Variants in NCK1 observed in about 807,000 individuals in gnomAD.
NCK1 encodes NCK adaptor protein 1, also known as SH2/SH3 adapter protein NCK1.
NCK1 carries 19 observed loss-of-function variants against 36.6 expected under a neutral mutation model. The ratio of observed to expected loss-of-function variants is 0.52; its 90% CI spans 0.36 to 0.76. The LOEUF (loss-of-function observed/expected upper bound fraction) is 0.76, where lower values mean the gene tolerates loss of function less well. NCK1 is among the 30% of genes least tolerant of loss of function. The pLI, the probability that NCK1 is intolerant of heterozygous loss-of-function variation, is 0.00. For missense variants in NCK1, 358 were observed against 445.6 expected (o/e 0.80, Z 1.77); for synonymous variants, 165 against 156.0 (o/e 1.06, Z -0.43).
chr3:136,948,022 CTGT>C (rs1242718143), intron 3 of NCK1, among the ~76,000 whole-genome samples: 1 of 152,004 alleles, frequency 6.6e-6, no homozygotes, highest in African/African-American at 2.4e-5. Flanking sequence ...AATCCTGGCT[CTGT>C]TGTTAACTAG....
At chr3:136,884,789 C>T (rs1372063463) in intron 1 of NCK1, among the ~76,000 whole-genome samples, 1 of 150,376 alleles carries the variant, frequency 6.6e-6, no homozygotes, top group Non-Finnish European at 1.5e-5. Flanking sequence ...GGCCTGATCT[C>T]AGCTCACTGC....
At chr3:136,922,925 CATCAGTAAGGTCT>C (rs1940147535) in intron 1 of NCK1, among the ~76,000 whole-genome samples, 1 of 152,102 alleles carries the variant, frequency 6.6e-6, no homozygotes, top group African/African-American at 2.4e-5. Context: ...ACCCATTGAC[CATCAGTAAGGTCT>C]AGTTGAAGAA....
Position 136,945,691 on chromosome 3 carries a change from A to T in NCK1, c.335A>T (p.Tyr112Phe), listed in dbSNP as rs368340310. 234 of 1,614,014 alleles carry T rather than the reference A, an allele frequency of 1.4e-4. No homozygotes were observed. The highest frequency in any genetic ancestry group is 1.9e-4 in the Non-Finnish European group (221 of 1,180,006). ...CTCTATGACCTCAACATGCCCGCTT[A>T]TGTGAAATTTAACTACATGGCTGAG... The part of the protein sequence containing the change: ...ERLYDLNMPA[Y>F]VKFNYMAERE... Residue 112 changes from tyrosine (Y) to phenylalanine (F), a missense_variant, in exon 3 of 4, where the codon TAT (tyrosine) becomes TTT (phenylalanine). By Grantham distance (22) the Tyr-to-Phe change is conservative (BLOSUM62 3). This residue lies in a region of NCK1 where 143 missense variants were observed against 162.4 expected (regional missense o/e 0.88). Transcript: ENST00000481752.
At chr3:136,890,548 C>CTCA (rs1939213470) in intron 1 of NCK1, among the ~76,000 whole-genome samples, 6 of 152,218 alleles carry the variant, frequency 3.9e-5, no homozygotes, top group Admixed American at 2.0e-4. Context: ...GGACTGCCAG[C>CTCA]ACGCTGTCAC....
At chr3:136,918,679 G>A (rs1294166263) in intron 1 of NCK1, among the ~76,000 whole-genome samples, 3 of 152,132 alleles carry the variant, frequency 2.0e-5, no homozygotes, top group East Asian at 1.9e-4. Flanking sequence ...AGATTTTTTG[G>A]TGATTATTTT....
intron 2 of NCK1, among the ~76,000 whole-genome samples, chr3:136,931,930 G>T (rs1940400781): frequency 6.6e-6 from 1 of 152,088 alleles, no homozygotes; most frequent in Non-Finnish European, 1.5e-5. Flanking sequence ...GACCAGCCTG[G>T]TCAACATGGT....
chr3:136,903,651 C>G (rs1257834545), intron 1 of NCK1, among the ~76,000 whole-genome samples: 1 of 152,150 alleles, frequency 6.6e-6, no homozygotes, highest in Non-Finnish European at 1.5e-5. Context: ...TCTTGAACCC[C>G]TGACCTCAGG....
intron 1 of NCK1, among the ~76,000 whole-genome samples, chr3:136,908,371 A>G (rs1939741259): frequency 6.6e-6 from 1 of 152,232 alleles, no homozygotes; most frequent in Non-Finnish European, 1.5e-5. Flanking sequence ...GAGGGTTTTA[A>G]AAGATAAAGC....
chr3:136,882,371 G>C (rs1938965032), intron 1 of NCK1, among the ~76,000 whole-genome samples: 2 of 152,048 alleles, frequency 1.3e-5, no homozygotes. Context: ...TTATGTTTTT[G>C]TTGAGTCTGA....
chr3:136,871,148 C>A (rs911146348), intron 1 of NCK1, among the ~76,000 whole-genome samples: 6 of 151,556 alleles, frequency 4.0e-5, no homozygotes, highest in Non-Finnish European at 5.9e-5. Flanking sequence ...TGTAATCCTG[C>A]ACTTTGGGAG....
rs1940965296 is a variant in NCK1 at position 136,951,316 on chromosome 3, T to G, written c.*2863T>G. 6.6e-6 allele frequency among the ~76,000 whole-genome samples: 1 copy of G among 152,228 alleles called. No homozygotes were observed. Among genetic ancestry groups the G allele is most frequent in the African/African-American group, 2.4e-5 (1 of 41,460 alleles). ...TTGAATTTCACTCCCACCTTGTTGC[T>G]GGGGTACCTTCTTCAGGGTACATCT... On this transcript the variant is annotated 3_prime_UTR_variant, in exon 4 of 4. Transcript: ENST00000481752.
At chr3:136,936,946 G>T (rs1940546520) in intron 2 of NCK1, among the ~76,000 whole-genome samples, 1 of 152,122 alleles carries the variant, frequency 6.6e-6, no homozygotes, top group African/African-American at 2.4e-5. Context: ...TCTTGATAGT[G>T]TGTTATACAC....
chr3:136,935,825 A>G (rs903191070), intron 2 of NCK1, among the ~76,000 whole-genome samples: 7 of 152,274 alleles, frequency 4.6e-5, no homozygotes, highest in Middle Eastern at 6.8e-3. Context: ...AAATGTTTCC[A>G]TCACCCCAAA....
chr3:136,866,134 A>C (rs1169531484), intron 1 of NCK1, among the ~76,000 whole-genome samples: 1 of 152,134 alleles, frequency 6.6e-6, no homozygotes, highest in Non-Finnish European at 1.5e-5. Flanking sequence ...TTCATAGCCT[A>C]ATAACAGTCT....
intron 2 of NCK1, among the ~76,000 whole-genome samples, chr3:136,938,945 C>T (rs892520332): frequency 1.3e-5 from 2 of 152,118 alleles, no homozygotes; most frequent in Non-Finnish European, 2.9e-5. Context: ...TGATATTAGC[C>T]AGTTGTCTTG....
At chr3:136,915,634 G>T (rs977605314) in intron 1 of NCK1, among the ~76,000 whole-genome samples, 8 of 152,084 alleles carry the variant, frequency 5.3e-5, no homozygotes, top group Non-Finnish European at 1.2e-4. Context: ...AAGAAAAGAG[G>T]TTTAAAAGGT....
chr3:136,916,459 G>C (rs1476118077), intron 1 of NCK1, among the ~76,000 whole-genome samples: 1 of 152,062 alleles, frequency 6.6e-6, no homozygotes, highest in African/African-American at 2.4e-5. Context: ...CCTCCCATTA[G>C]GCCCCATTTC....
chr3:136,876,331 C>CA (rs1364068828), intron 1 of NCK1, among the ~76,000 whole-genome samples: 4 of 152,044 alleles, frequency 2.6e-5, no homozygotes, highest in African/African-American at 7.2e-5. Flanking sequence ...AATAGAGACA[C>CA]AAAAAACCCT....
chr3:136,918,982 C>T (rs1459008711), intron 1 of NCK1, among the ~76,000 whole-genome samples: 2 of 152,104 alleles, frequency 1.3e-5, no homozygotes, highest in Admixed American at 1.3e-4. Context: ...ATAAAGTTCT[C>T]ATTAAATAAA....
Sources: gnomAD v4.1 joint callset for allele counts (sites outside exome capture counted in the v4.1 genomes callset) on GRCh38, gnomAD v4.1.1 for gene constraint, gnomAD v4.1.1 regional missense constraint, MANE v1.5 for transcripts, NCBI Gene and HGNC (gene_info 2026-07-23, HGNC 2026-07-21) for gene names.